IQCF1: variants seen among roughly 807,000 people sequenced by gnomAD.
IQCF1 encodes the protein IQ motif containing F1, also known as IQ domain-containing protein F1.
Under a neutral mutation model 12.5 loss-of-function variants are expected in IQCF1, and 9 were observed. The observed-to-expected ratio is 0.72, with a 90% CI of 0.43 to 1.26. The LOEUF (loss-of-function observed/expected upper bound fraction) is 1.26, where lower values mean the gene tolerates loss of function less well. Ranked by LOEUF, IQCF1 falls within the 50% of genes most tolerant of loss-of-function variation. The pLI, the probability that IQCF1 is intolerant of heterozygous loss-of-function variation, is 0.00. For synonymous variants in IQCF1, 67 were observed against 96.2 expected, an observed-to-expected ratio of 0.70 and a Z score of 1.78; for missense variants, 252 against 257.4, an observed-to-expected ratio of 0.98 and a Z score of 0.14.
At position 51,901,425 on chromosome 3, in the gene IQCF1, G is replaced by A. The variant is rs369192343; in HGVS notation, c.108+1560C>T. On this transcript the variant is annotated intron_variant, in intron 2 of 3. Transcript: ENST00000310914. ...CTTAGCATTCCTTGGAGACCTGAAC[G>A]GATGCAGTGAGCTTAAGAATTTTCA... Among the ~76,000 whole-genome samples, 34 of 152,300 alleles carry A rather than the reference G, an allele frequency of 2.2e-4. 1 individual carries two copies. Among genetic ancestry groups the A allele is most frequent in the East Asian group, 9.7e-4 (5 of 5,176 alleles).
chr3:51,897,242 AG>A (rs1418491821), intron 2 of IQCF1, among the ~76,000 whole-genome samples: 3 of 152,194 alleles, frequency 2.0e-5, no homozygotes, highest in South Asian at 4.1e-4. Flanking sequence ...CCTAGCCAAT[AG>A]GGGAACGACA....
chr3:51,901,313 G>A (rs1401316358), intron 2 of IQCF1, among the ~76,000 whole-genome samples: 1 of 152,118 alleles, frequency 6.6e-6, no homozygotes, highest in African/African-American at 2.4e-5. Context: ...CTGAAGTCTG[G>A]CACCCTGTGG....
Position 51,900,003 on chromosome 3 carries a change from C to T in IQCF1, c.108+2982G>A, listed in dbSNP as rs1229469106. Among the ~76,000 whole-genome samples, 1 of 152,108 alleles carries T rather than the reference C, an allele frequency of 6.6e-6. No individual in the cohort carries two copies. The highest frequency in any genetic ancestry group is 1.5e-5 in the Non-Finnish European group (1 of 68,016). On this transcript the variant is annotated intron_variant, in intron 2 of 3. Coordinates refer to ENST00000310914, the MANE Select transcript of IQCF1 (RefSeq NM_152397.3). This position sits in a 1 kb window ranked among gnomAD's most constrained non-coding sequence, Gnocchi z 4.2. ...CAATAAAGTCCACTGCTGATGTCCCCACATTTAAAACAAAAGGTCAGTTTC... is the reference window on the plus strand; with the variant it reads ...CAATAAAGTCCACTGCTGATGTCCCTACATTTAAAACAAAAGGTCAGTTTC...
At position 51,896,834 on chromosome 3, in the gene IQCF1, T is replaced by G. The variant is rs57859638; in HGVS notation, c.169A>C (p.Lys57Gln). ...CTGTGTGGTTTGGGAGGTCATACTT[T>G]TTCTGATTTCTCATTGGCATTGTCC... ...TVDNANEKSE[K>Q]PPENQKKLSD... Residue 57 changes from lysine to glutamine, a missense_variant and splice_region_variant, in exon 3 of 4, where the codon AAA (lysine) becomes CAA (glutamine). Transcript: ENST00000310914. 1 of 1,611,174 alleles carries G rather than the reference T, an allele frequency of 6.2e-7. No individual in the cohort carries two copies. The highest frequency in any genetic ancestry group is 8.5e-7 in the Non-Finnish European group (1 of 1,177,496).
Position 51,900,129 on chromosome 3 carries a change from C to G in IQCF1, c.108+2856G>C, listed in dbSNP as rs987279381. 6.6e-6 allele frequency among the ~76,000 whole-genome samples: 1 copy of G among 152,110 alleles called. No individual in the cohort carries two copies. The highest frequency in any genetic ancestry group is 1.5e-5 in the Non-Finnish European group (1 of 68,028). On this transcript the variant is annotated intron_variant, in intron 2 of 3. Coordinates refer to ENST00000310914, the MANE Select transcript of IQCF1 (RefSeq NM_152397.3). The surrounding 1 kb of genome is among the most constrained non-coding windows in gnomAD (Gnocchi z 4.2). ...CCCTAGAATTTCCGGTAAACCAGCA[C>G]CAGCCTGAAGATCACATTCTCATCA...
intron 3 of IQCF1, 123 bp downstream of exon 3, chr3:51,896,709 A>G (rs200040168): frequency 0.024 from 15,288 of 643,192 alleles, 155 homozygotes; most frequent in East Asian, 0.092. Context: ...ACACACACAC[A>G]CACGCACACA....
chr3:51,901,005 A>G (rs962414536), intron 2 of IQCF1, among the ~76,000 whole-genome samples: 1 of 152,202 alleles, frequency 6.6e-6, no homozygotes. Context: ...CTCCTCCTCC[A>G]TCTAACAACA....
At chr3:51,897,895 C>T (rs756433228) in intron 2 of IQCF1, among the ~76,000 whole-genome samples, 14 of 152,198 alleles carry the variant, frequency 9.2e-5, no homozygotes, top group Admixed American at 2.6e-4. Flanking sequence ...CACGCCAACA[C>T]TAAGGCAAGA....
intron 2 of IQCF1, among the ~76,000 whole-genome samples, chr3:51,901,906 G>C (rs6769186): frequency 0.7 from 106,266 of 152,066 alleles, 38,082 homozygotes; most frequent in East Asian, 0.86. Flanking sequence ...AATAGGATAG[G>C]CTTAGACATG....
intron 2 of IQCF1, among the ~76,000 whole-genome samples, chr3:51,898,490 G>A (rs1699038388): frequency 6.6e-6 from 1 of 152,164 alleles, no homozygotes; most frequent in Admixed American, 6.5e-5. Flanking sequence ...CCAGTAACCT[G>A]AGGGTGGCCC....
intron 2 of IQCF1, among the ~76,000 whole-genome samples, chr3:51,899,778 G>A (rs899126684): frequency 6.6e-6 from 1 of 152,106 alleles, no homozygotes; most frequent in East Asian, 1.9e-4. Flanking sequence ...TCAAAAATTG[G>A]ATAAATATGT....
intron 3 of IQCF1, 102 bp downstream of exon 3, chr3:51,896,728 CAT>C: frequency 1.2e-6 from 1 of 861,510 alleles, no homozygotes; most frequent in Non-Finnish European, 2.0e-6. Flanking sequence ...CACACACACA[CAT>C]ACTTCTAACT....
Position 51,895,091 on chromosome 3 carries a change from G to A in IQCF1, c.417C>T (p.Arg139=). 6.2e-7 allele frequency: 1 copy of A among 1,614,230 alleles called. No individual in the cohort carries two copies. The highest frequency in any genetic ancestry group is 8.5e-7 in the Non-Finnish European group (1 of 1,180,046). ...GCACCTGGCAATAGCGTCTGCGGAT[G>A]CGCCACATGCGGGCCTGGGACTGCA... ...VTLQSQARMW[R]IRRRYCQVLN... Residue 139 remains arginine (R), a synonymous_variant, in exon 4 of 4, where the codon CGC becomes CGT. Transcript: ENST00000310914. The surrounding 1 kb of genome is among the most constrained non-coding windows in gnomAD (Gnocchi z 4.8).
rs1048234118 is a variant in IQCF1 at position 51,895,493 on chromosome 3, T to A, written c.172-157A>T. 6.6e-6 allele frequency among the ~76,000 whole-genome samples: 1 copy of A among 152,166 alleles called. No individual in the cohort carries two copies. The highest frequency in any genetic ancestry group is 1.5e-5 in the Non-Finnish European group (1 of 68,024). ...CACTGGCTGGAACCAGAAGATCAGG[T>A]AGATGTCCTGCCTCTGCCATCCTCT... On this transcript the variant is annotated intron_variant, in intron 3 of 3. Transcript: ENST00000310914. This position sits in a 1 kb window ranked among gnomAD's most constrained non-coding sequence, Gnocchi z 4.8.
chr3:51,903,026 T>A lies in IQCF1; in HGVS notation c.67A>T (p.Met23Leu). ...SKEDEPQQKEMPTHLSLGAES... is the reference protein window; with the variant it reads ...SKEDEPQQKELPTHLSLGAES... Reference sequence around the variant, plus strand: ...GCTCCTAAGGACAAATGGGTTGGCATCTCCTTCTGCTGAGGCTCATCTTCT... The same window carrying A: ...GCTCCTAAGGACAAATGGGTTGGCAACTCCTTCTGCTGAGGCTCATCTTCT... The change falls in exon 2 of 4, where the codon ATG (methionine) becomes TTG (leucine). Residue 23 changes from methionine to leucine, a missense_variant. Met to Leu is a conservative substitution (Grantham distance 15). Transcript: ENST00000310914. 2 of 1,614,156 alleles carry A rather than the reference T, an allele frequency of 1.2e-6. No homozygotes were observed. Among genetic ancestry groups the A allele is most frequent in the African/African-American group, 1.3e-5 (1 of 75,026 alleles).
rs768315523 is a variant in IQCF1, at chr3:51,895,046, G to C, written c.462C>G (p.Ile154Met). ...AGGAGCGGCACCTCCAGTAAGCCTG[G>C]ATGATGCGAACAGCATTGAGCACCT... Reference protein sequence around the residue: ...YCQVLNAVRIIQAYWRCRSCA... With the variant: ...YCQVLNAVRIMQAYWRCRSCA... Residue 154 changes from isoleucine (I) to methionine (M), a missense_variant, in exon 4 of 4, where the codon ATC (isoleucine) becomes ATG (methionine). By Grantham distance (10) the Ile-to-Met change is conservative. Transcript: ENST00000310914. The surrounding 1 kb of genome is among the most constrained non-coding windows in gnomAD (Gnocchi z 4.8). 1 of 1,614,260 alleles carries C rather than the reference G, an allele frequency of 6.2e-7. No individual in the cohort carries two copies. Among genetic ancestry groups the C allele is most frequent in the Non-Finnish European group, 8.5e-7 (1 of 1,180,054 alleles).
chr3:51,902,658 TA>T (rs1310698261), intron 2 of IQCF1: 1 of 302,878 alleles, frequency 3.3e-6, no homozygotes, highest in Non-Finnish European at 6.4e-6. Flanking sequence ...TCACTCTCTT[TA>T]AATTAGCCAA....
chr3:51,895,347 A>G lies in IQCF1; in HGVS notation c.172-11T>C, dbSNP rs768717554. Reference sequence around the variant, plus strand: ...TTGGTTTTCTGGGGGCTTTCAAGAAAAAAAGAGGGACCTTCAGAGAATGCT... The same window carrying G: ...TTGGTTTTCTGGGGGCTTTCAAGAAGAAAAGAGGGACCTTCAGAGAATGCT... On this transcript the variant is annotated splice_polypyrimidine_tract_variant and intron_variant, in intron 3 of 3. Transcript: ENST00000310914. The surrounding 1 kb of genome is among the most constrained non-coding windows in gnomAD (Gnocchi z 4.8). 3.7e-6 allele frequency: 6 copies of G among 1,601,646 alleles called. No homozygotes were observed. Among genetic ancestry groups the G allele is most frequent in the Non-Finnish European group, 5.1e-6 (6 of 1,173,194 alleles).
chr3:51,895,734 G>A lies in IQCF1; in HGVS notation c.172-398C>T, dbSNP rs1452902147. 6.6e-6 allele frequency among the ~76,000 whole-genome samples: 1 copy of A among 152,070 alleles called. No individual in the cohort carries two copies. The highest frequency in any genetic ancestry group is 1.5e-5 in the Non-Finnish European group (1 of 68,020). ...TACTGGAGAAGTCACATCCTTTGCCGGCCCTGCCTTCTCATCCCTGACAAC... is the reference window on the plus strand; with the variant it reads ...TACTGGAGAAGTCACATCCTTTGCCAGCCCTGCCTTCTCATCCCTGACAAC... On this transcript the variant is annotated intron_variant, in intron 3 of 3. Coordinates refer to ENST00000310914, the MANE Select transcript of IQCF1 (RefSeq NM_152397.3). The surrounding 1 kb of genome is among the most constrained non-coding windows in gnomAD (Gnocchi z 4.8).
Sources: allele counts gnomAD v4.1 joint callset (sites outside exome capture counted in the v4.1 genomes callset), GRCh38; gene constraint gnomAD v4.1.1; non-coding constraint Gnocchi (gnomAD v3.1); transcripts MANE v1.5; gene names NCBI Gene and HGNC (gene_info 2026-07-23, HGNC 2026-07-21).